TMEM132B: variants seen among roughly 807,000 people sequenced by gnomAD.
TMEM132B encodes the protein transmembrane protein 132B.
A neutral mutation model predicts 90.8 loss-of-function variants in TMEM132B; 18 were observed. That is an observed-to-expected ratio of 0.20 (90% CI 0.14 to 0.29). TMEM132B has a LOEUF of 0.29. Among genes scored for constraint, TMEM132B ranks in the 10% least tolerant of loss-of-function variants. The pLI, the probability that TMEM132B is intolerant of heterozygous loss-of-function variation, is 1.00. For synonymous variants in TMEM132B, 504 were observed against 523.3 expected (o/e 0.96, Z 0.50); for missense variants, 1,096 against 1,326.8 (o/e 0.83, Z 2.70).
chr12:125,596,301 A>G (rs1461022494), intron 5 of TMEM132B, among the ~76,000 whole-genome samples: 1 of 152,234 alleles, frequency 6.6e-6, no homozygotes, highest in Non-Finnish European at 1.5e-5. Context: ...CTCAGGGGGT[A>G]GACGAAGTGG....
chr12:125,617,679 G>T (rs1886022862), intron 5 of TMEM132B, among the ~76,000 whole-genome samples: 1 of 152,028 alleles, frequency 6.6e-6, no homozygotes, highest in South Asian at 2.1e-4. Flanking sequence ...CTGTTAAATT[G>T]TTCACTTCTG....
intron 3 of TMEM132B, among the ~76,000 whole-genome samples, chr12:125,429,230 C>T (rs1880424231): frequency 6.6e-6 from 1 of 150,376 alleles, no homozygotes; most frequent in African/African-American, 2.5e-5. Flanking sequence ...GAGGGAGTCT[C>T]ACTCTATCAC....
rs1458186328 is a variant in TMEM132B, at chr12:125,644,167, C to T, written c.1529C>T (p.Thr510Ile). 3 of 1,614,220 alleles carry T rather than the reference C, an allele frequency of 1.9e-6. No individual in the cohort carries two copies. Among genetic ancestry groups the T allele is most frequent in the Non-Finnish European group, 2.5e-6 (3 of 1,180,036 alleles). The change falls in exon 6 of 9, where the codon ACC (threonine) becomes ATC (isoleucine). Residue 510 changes from threonine (T) to isoleucine (I), a missense_variant. Coordinates refer to ENST00000682704, the MANE Select transcript of TMEM132B (RefSeq NM_001366854.1). ...GTGAACTTCACCCACCAGCACTTCA[C>T]CTCCCAGTTCGAGGTCACTGTCTGG... ...TIVNFTHQHFTSQFEVTVWAP... is the reference protein window; with the variant it reads ...TIVNFTHQHFISQFEVTVWAP...
At chr12:125,512,823 T>G (rs1209407352) in intron 3 of TMEM132B, among the ~76,000 whole-genome samples, 1 of 152,204 alleles carries the variant, frequency 6.6e-6, no homozygotes, top group Admixed American at 6.5e-5. Flanking sequence ...TGCTCCATTC[T>G]GAGAGCCAGC....
intron 2 of TMEM132B, among the ~76,000 whole-genome samples, chr12:125,386,504 CA>C (rs1311069828): frequency 3.3e-5 from 5 of 152,186 alleles, no homozygotes; most frequent in Non-Finnish European, 7.3e-5. Context: ...CACACATGAG[CA>C]AATTAGTAGA....
In TMEM132B at chr12:125,371,494, A is replaced by G. The variant is rs528099098; in HGVS notation, c.959+21151A>G. ...AGTGATGCTCAGAGTCCCAGTGGTA[A>G]TGTGGGGCTGCTTTCCAGGGGCTTG... On this transcript the variant is annotated intron_variant, in intron 2 of 8. Transcript: ENST00000682704. 1.7e-3 allele frequency among the ~76,000 whole-genome samples: 258 copies of G among 152,290 alleles called. 1 individual carries two copies. The highest frequency in any genetic ancestry group is 5.8e-3 in the African/African-American group (240 of 41,562).
chr12:125,474,369 C>G (rs1388059522), intron 3 of TMEM132B, among the ~76,000 whole-genome samples: 2 of 142,554 alleles, frequency 1.4e-5, no homozygotes, highest in African/African-American at 5.1e-5. Context: ...AATCATAACT[C>G]ACTGCAGCCT....
chr12:125,433,630 A>C, intron 3 of TMEM132B, among the ~76,000 whole-genome samples: 1 of 144,960 alleles, frequency 6.9e-6, no homozygotes, highest in East Asian at 2.1e-4. Flanking sequence ...CTAACTCGTC[A>C]TCTAGCATTA....
At chr12:125,249,597 A>G (rs1179391326) in intron 1 of TMEM132B, among the ~76,000 whole-genome samples, 1 of 152,248 alleles carries the variant, frequency 6.6e-6, no homozygotes, top group Non-Finnish European at 1.5e-5. Context: ...TGTGTCATCC[A>G]GACTTGCTTT....
chr12:125,647,107 C>G (rs1391076081), intron 6 of TMEM132B, among the ~76,000 whole-genome samples: 1 of 152,026 alleles, frequency 6.6e-6, no homozygotes, highest in Non-Finnish European at 1.5e-5. Context: ...GTGGAGATGA[C>G]AGAGGATAAA....
At chr12:125,509,855 C>T (rs1219332609) in intron 3 of TMEM132B, among the ~76,000 whole-genome samples, 1 of 152,208 alleles carries the variant, frequency 6.6e-6, no homozygotes, top group East Asian at 1.9e-4. Context: ...AGTCTGGAGT[C>T]TGGAGTCTGT....
At chr12:125,379,557 C>T (rs773806888) in intron 2 of TMEM132B, among the ~76,000 whole-genome samples, 2 of 152,172 alleles carry the variant, frequency 1.3e-5, no homozygotes, top group Non-Finnish European at 2.9e-5. Context: ...GCTGCTAACC[C>T]CTTGATTTTA....
intron 2 of TMEM132B, among the ~76,000 whole-genome samples, chr12:125,381,694 A>T (rs951009536): frequency 6.6e-6 from 1 of 151,968 alleles, no homozygotes; most frequent in Non-Finnish European, 1.5e-5. Flanking sequence ...GTGTGAATGT[A>T]TGTATGTGTG....
At chr12:125,455,447 C>G (rs1448454676) in intron 3 of TMEM132B, among the ~76,000 whole-genome samples, 4 of 152,032 alleles carry the variant, frequency 2.6e-5, no homozygotes, top group Non-Finnish European at 5.9e-5. Context: ...AGAGGACTTT[C>G]CTAAAGAGCT....
At chr12:125,254,088 G>A (rs1270970849) in intron 1 of TMEM132B, among the ~76,000 whole-genome samples, 1 of 152,030 alleles carries the variant, frequency 6.6e-6, no homozygotes, top group Non-Finnish European at 1.5e-5. Flanking sequence ...CCAGGAGTTA[G>A]AGACCATCCT....
rs974438156 is a variant in TMEM132B, at chr12:125,408,496, C to T, written c.960-7035C>T. 6.6e-6 allele frequency among the ~76,000 whole-genome samples: 1 copy of T among 152,200 alleles called. No individual in the cohort carries two copies. Among genetic ancestry groups the T allele is most frequent in the Non-Finnish European group, 1.5e-5 (1 of 68,030 alleles). On this transcript the variant is annotated intron_variant, in intron 2 of 8. Transcript: ENST00000682704. This position sits in a 1 kb window ranked among gnomAD's most constrained non-coding sequence, Gnocchi z 5.9. ...CATCTATAAAAAAGCAAGCTCTCAC[C>T]CGGCACTGAAACTGCTGACATCTTG...
intron 1 of TMEM132B, among the ~76,000 whole-genome samples, chr12:125,321,003 C>A (rs1876412882): frequency 6.6e-6 from 1 of 152,232 alleles, no homozygotes; most frequent in African/African-American, 2.4e-5. Flanking sequence ...TGACTTGGAA[C>A]CACTGGTGTG....
At chr12:125,236,405 C>T (rs1483931274) in intron 1 of TMEM132B, among the ~76,000 whole-genome samples, 1 of 152,132 alleles carries the variant, frequency 6.6e-6, no homozygotes, top group Non-Finnish European at 1.5e-5. Context: ...GATCCACATA[C>T]CTTGGCCTCC....
intron 3 of TMEM132B, among the ~76,000 whole-genome samples, chr12:125,419,162 G>A (rs952672650): frequency 2.0e-5 from 3 of 152,152 alleles, no homozygotes; most frequent in African/African-American, 4.8e-5. Flanking sequence ...GCAAGCAAAA[G>A]CCCTAAAATA....
Sources: allele counts gnomAD v4.1 joint callset (sites outside exome capture counted in the v4.1 genomes callset), GRCh38; gene constraint gnomAD v4.1.1; non-coding constraint Gnocchi (gnomAD v3.1); transcripts MANE v1.5; gene names NCBI Gene and HGNC (gene_info 2026-07-23, HGNC 2026-07-21).